PEMT: variants seen among roughly 807,000 people sequenced by gnomAD.
PEMT encodes the protein phospholipid methyltransferase.
PEMT carries 23 observed loss-of-function variants against 27.4 expected under a neutral mutation model. The observed-to-expected ratio is 0.84, with a 90% CI of 0.60 to 1.19. PEMT has a LOEUF of 1.19. Ranked by LOEUF, PEMT falls within the 50% of genes most tolerant of loss-of-function variation. PEMT has a pLI of 0.00. For synonymous variants in PEMT, 137 were observed against 139.1 expected (o/e 0.98, Z 0.11); for missense variants, 307 against 310.1 (o/e 0.99, Z 0.07).
chr17:17,528,154 G>A (rs910639377), intron 2 of PEMT, among the ~76,000 whole-genome samples: 4 of 152,220 alleles, frequency 2.6e-5, no homozygotes, highest in African/African-American at 7.2e-5. Flanking sequence ...GACGTGGGCC[G>A]TGCGCCAGCA....
intron 1 of PEMT, among the ~76,000 whole-genome samples, chr17:17,577,825 G>A (rs1911719842): frequency 6.6e-6 from 1 of 151,998 alleles, no homozygotes; most frequent in Non-Finnish European, 1.5e-5. Flanking sequence ...AGACCATCCT[G>A]GCTAACACGG....
At position 17,513,692 on chromosome 17, in the gene PEMT, G is replaced by A. The variant is rs1016011197; in HGVS notation, c.321-1038C>T. Among the ~76,000 whole-genome samples, 1 of 152,126 alleles carries A rather than the reference G, an allele frequency of 6.6e-6. No individual in the cohort carries two copies. Among genetic ancestry groups the A allele is most frequent in the African/African-American group, 2.4e-5 (1 of 41,420 alleles). On this transcript the variant is annotated intron_variant, in intron 3 of 6. Coordinates refer to ENST00000255389, the MANE Select transcript of PEMT (RefSeq NM_148172.3). This position sits in a 1 kb window ranked among gnomAD's most constrained non-coding sequence, Gnocchi z 4.1. Reference sequence around the variant, plus strand: ...TCCAGTTGGCTCCGGAGAACTGAGGGGCTGGTGCAGGGAGGGCACAGGGGC... The same window carrying A: ...TCCAGTTGGCTCCGGAGAACTGAGGAGCTGGTGCAGGGAGGGCACAGGGGC...
At chr17:17,541,696 T>G (rs905583709) in intron 2 of PEMT, among the ~76,000 whole-genome samples, 1 of 152,244 alleles carries the variant, frequency 6.6e-6, no homozygotes, top group Non-Finnish European at 1.5e-5. Flanking sequence ...AGGAAAGGAT[T>G]CTGAGCTTCA....
chr17:17,586,280 GAAAGAAAGAAAA>G (rs1296099500), intron 1 of PEMT, among the ~76,000 whole-genome samples: 1,573 of 92,374 alleles, frequency 0.017, 67 homozygotes, highest in African/African-American at 0.047. Flanking sequence ...AAGAAAGAAA[GAAAGAAAGAAAA>G]AAAAAAACGC....
In PEMT at chr17:17,591,545, T is replaced by G. The variant is rs1285161203; in HGVS notation, c.82A>C (p.Ile28Leu). The change falls in exon 1 of 7, where the codon ATT becomes CTT. Residue 28 changes from isoleucine to leucine, a missense_variant. Coordinates refer to ENST00000255389, the MANE Select transcript of PEMT (RefSeq NM_148172.3). ...GPDCCGGLGN[I>L]DFRQADFCVM... is the part of the protein sequence containing the mutation. Reference sequence around the variant, plus strand: ...GCGGTCAGTACCTGTCTAAAATCAATATTGCCGAGGCCTCCGCAGCAGTCA... The same window carrying G: ...GCGGTCAGTACCTGTCTAAAATCAAGATTGCCGAGGCCTCCGCAGCAGTCA... 1 of 1,613,214 alleles carries G rather than the reference T, an allele frequency of 6.2e-7. No homozygotes were observed. Among genetic ancestry groups the G allele is most frequent in the Admixed American group, 1.7e-5 (1 of 59,992 alleles).
intron 2 of PEMT, chr17:17,570,499 A>C: frequency 1.0e-6 from 1 of 985,310 alleles, no homozygotes; most frequent in African/African-American, 1.7e-5. Context: ...ATGGCCCCAA[A>C]AGTCAGCAAC....
intron 1 of PEMT, chr17:17,577,577 G>A (rs1036438430): frequency 2.0e-4 from 188 of 928,630 alleles, no homozygotes; most frequent in Middle Eastern, 1.6e-3. Context: ...CGGGGGGCAC[G>A]TGGACACTGC....
intron 2 of PEMT, among the ~76,000 whole-genome samples, chr17:17,525,326 C>T (rs1216771922): frequency 1.3e-5 from 2 of 152,324 alleles, no homozygotes; most frequent in East Asian, 1.9e-4. Context: ...GAAACCACGC[C>T]TTGCCTCCCA....
intron 2 of PEMT, among the ~76,000 whole-genome samples, chr17:17,575,213 C>T (rs1242548493): frequency 6.6e-6 from 1 of 152,164 alleles, no homozygotes; most frequent in Non-Finnish European, 1.5e-5. Flanking sequence ...TCACTCCAGC[C>T]TCTGCCTCCA....
intron 2 of PEMT, among the ~76,000 whole-genome samples, chr17:17,559,771 C>T (rs898824649): frequency 6.6e-5 from 10 of 152,346 alleles, no homozygotes; most frequent in African/African-American, 2.4e-4. Flanking sequence ...AAAAGGCCCA[C>T]CATGCAGCCC....
At chr17:17,581,615 G>A (rs1044513380) in intron 1 of PEMT, among the ~76,000 whole-genome samples, 40 of 152,282 alleles carry the variant, frequency 2.6e-4, no homozygotes, top group African/African-American at 8.4e-4. Context: ...ACTAACACTG[G>A]GGGAACCCAG....
At chr17:17,506,405 G>T in intron 5 of PEMT, 104 bp from the exon 6 acceptor site, 2 of 794,200 alleles carry the variant, frequency 2.5e-6, no homozygotes, top group Non-Finnish European at 4.0e-6. Flanking sequence ...TGGCCCTCCG[G>T]CCGACGCTGG....
In PEMT at chr17:17,516,058, C is replaced by T. The variant is rs370433889; in HGVS notation, c.321-3404G>A. ...GGCCCCACCTGGGACAGGCCTGTCC[C>T]GTTTCTATCTGCAGCCGACCAGAAA... is the stretch of plus-strand genomic sequence containing the variant. On this transcript the variant is annotated intron_variant, in intron 3 of 6. Transcript: ENST00000255389. Among the ~76,000 whole-genome samples, 50 of 152,270 alleles carry T rather than the reference C, an allele frequency of 3.3e-4. No homozygotes were observed. The South Asian group carries it at 1.0e-2, about 30-fold the overall frequency.
At chr17:17,509,411 G>A in intron 5 of PEMT, 23 bp downstream of exon 5, 2 of 1,496,782 alleles carry the variant, frequency 1.3e-6, no homozygotes, top group East Asian at 2.3e-5. Flanking sequence ...GCAGGGCAGA[G>A]GGGTGGCAAG....
rs1286318148 is a variant in PEMT, at chr17:17,512,492, A to C, written c.466+17T>G. 4.5e-6 allele frequency: 7 copies of C among 1,566,292 alleles called. No homozygotes were observed. In the South Asian group the frequency reaches 6.0e-5, roughly 13 times the overall value. On this transcript the variant is annotated intron_variant, in intron 4 of 6. Transcript: ENST00000255389. The surrounding 1 kb of genome is among the most constrained non-coding windows in gnomAD (Gnocchi z 6.3). ...CAGCGGTCCTGCTCAGGGTCACCCC[A>C]GCCCTCAGGGTCTTACCTAGGAAAG...
At chr17:17,506,174 G>A in intron 6 of PEMT, 53 bp downstream of exon 6, 1 of 1,388,104 alleles carries the variant, frequency 7.2e-7, no homozygotes, top group East Asian at 2.5e-5. Context: ...TCTAGAGGGA[G>A]AGACAGGGCC....
At chr17:17,564,288 G>A (rs1910681659) in intron 2 of PEMT, among the ~76,000 whole-genome samples, 1 of 152,132 alleles carries the variant, frequency 6.6e-6, no homozygotes, top group Non-Finnish European at 1.5e-5. Flanking sequence ...AGTGAGGAAT[G>A]GAGATGGAGT....
intron 2 of PEMT, among the ~76,000 whole-genome samples, chr17:17,525,151 T>C (rs1907577801): frequency 6.6e-6 from 1 of 152,076 alleles, no homozygotes; most frequent in African/African-American, 2.4e-5. Flanking sequence ...TCAAGGGTTC[T>C]CTCTGCCATC....
At chr17:17,535,118 C>T (rs543668364) in intron 2 of PEMT, among the ~76,000 whole-genome samples, 1 of 151,874 alleles carries the variant, frequency 6.6e-6, no homozygotes, top group East Asian at 1.9e-4. Context: ...CCATGTTGGC[C>T]AGGCTGGTCT....
Sources: gnomAD v4.1 joint callset for allele counts (sites outside exome capture counted in the v4.1 genomes callset) on GRCh38, gnomAD v4.1.1 for gene constraint, Gnocchi (gnomAD v3.1) non-coding constraint, MANE v1.5 for transcripts, NCBI Gene and HGNC (gene_info 2026-07-23, HGNC 2026-07-21) for gene names.